PTPN21: variants seen among roughly 807,000 people sequenced by gnomAD.
PTPN21 encodes protein tyrosine phosphatase non-receptor type 21.
In PTPN21, 77 loss-of-function variants were observed where a neutral mutation model predicts 131.8. The observed-to-expected ratio is 0.58, with a 90% CI of 0.49 to 0.71. The LOEUF (loss-of-function observed/expected upper bound fraction) is 0.71, where lower values mean the gene tolerates loss of function less well. PTPN21 is among the 30% of genes least tolerant of loss of function. PTPN21 has a pLI of 0.00. For missense variants in PTPN21, 1,552 were observed against 1,527.1 expected, an observed-to-expected ratio of 1.02 and a Z score of -0.27; for synonymous variants, 715 against 621.3, an observed-to-expected ratio of 1.15 and a Z score of -2.24.
chr14:88,535,202 C>T (rs1206997000), intron 2 of PTPN21, among the ~76,000 whole-genome samples: 1 of 152,108 alleles, frequency 6.6e-6, no homozygotes, highest in Non-Finnish European at 1.5e-5. Context: ...TATAGCCTAC[C>T]AGGACTAGGC....
chr14:88,509,233 A>G (rs1464144801), intron 3 of PTPN21, among the ~76,000 whole-genome samples: 1 of 152,132 alleles, frequency 6.6e-6, no homozygotes, highest in Non-Finnish European at 1.5e-5. Flanking sequence ...GTTAAGCATT[A>G]TTCTAGATGC....
At chr14:88,549,865 C>A (rs748283261) in intron 2 of PTPN21, among the ~76,000 whole-genome samples, 2 of 151,546 alleles carry the variant, frequency 1.3e-5, no homozygotes, top group Admixed American at 1.3e-4. Flanking sequence ...CACATTCAAG[C>A]GATTCTCCTG....
In PTPN21 at chr14:88,550,580, A is replaced by G; in HGVS notation, c.-163T>C. The G allele has an allele frequency of 1.5e-6, 1 of 679,270 alleles. No individual in the cohort carries two copies. The highest frequency in any genetic ancestry group is 2.8e-5 in the East Asian group (1 of 35,968). The allele number at this position is 679,270 out of a possible 1,614,324, so 42.1% of individuals were successfully genotyped here. On this transcript the variant is annotated 5_prime_UTR_variant, in exon 2 of 19. Transcript: ENST00000556564. ...CGCTGCCGCCATTAAAAAGCAACGGAGTCTCCAATGGCCCGAGGAAGGGAG... is the reference window on the plus strand; with the variant it reads ...CGCTGCCGCCATTAAAAAGCAACGGGGTCTCCAATGGCCCGAGGAAGGGAG...
chr14:88,491,637 A>C (rs1334273927), intron 10 of PTPN21, among the ~76,000 whole-genome samples: 1 of 145,136 alleles, frequency 6.9e-6, no homozygotes, highest in Admixed American at 6.8e-5. Context: ...CAAAATTTTA[A>C]AAGCTAATAT....
intron 2 of PTPN21, among the ~76,000 whole-genome samples, chr14:88,543,290 G>T (rs1331677325): frequency 1.3e-5 from 2 of 152,142 alleles, no homozygotes; most frequent in Non-Finnish European, 2.9e-5. Flanking sequence ...TCAAAGTCCA[G>T]TGAGGAAGCT....
intron 13 of PTPN21, among the ~76,000 whole-genome samples, chr14:88,478,474 G>C (rs1053582605): frequency 3.3e-5 from 5 of 152,114 alleles, no homozygotes; most frequent in African/African-American, 1.2e-4. Flanking sequence ...TATTAGGATT[G>C]GGTACACTTT....
At chr14:88,541,076 C>T (rs1176570088) in intron 2 of PTPN21, among the ~76,000 whole-genome samples, 3 of 152,180 alleles carry the variant, frequency 2.0e-5, no homozygotes, top group African/African-American at 7.2e-5. Flanking sequence ...AACAAAACTA[C>T]TCTGCCCCAT....
In PTPN21 at chr14:88,479,942, G is replaced by A. The variant is rs752428074; in HGVS notation, c.1489C>T (p.Arg497Cys). The A allele has an allele frequency of 3.7e-6, 6 of 1,606,864 alleles. No individual in the cohort carries two copies. Among genetic ancestry groups the A allele is most frequent in the South Asian group, 1.1e-5 (1 of 91,054 alleles). The stretch of plus-strand genomic sequence containing the variant: ...GGCGAGGGGAGCTGTGCGTGCTCGC[G>A]GATCTCGGGCTGGCTGTAGACCAGC... ...AALVYSQPEIREHAQLPSPAA... is the reference protein window; with the variant it reads ...AALVYSQPEICEHAQLPSPAA... The change falls in exon 13 of 19, where the codon CGC (arginine) becomes TGC (cysteine). Residue 497 changes from arginine to cysteine, a missense_variant. By Grantham distance (180) the Arg-to-Cys change is radical. Around this residue, in one of 4 missense-constraint regions of PTPN21, gnomAD observed 1,016 missense variants for 883.5 expected, o/e 1.15. Coordinates refer to ENST00000556564, the MANE Select transcript of PTPN21 (RefSeq NM_007039.4).
Position 88,518,396 on chromosome 14 carries a change from A to G in PTPN21, c.181-1135T>C, listed in dbSNP as rs1317481839. Among the ~76,000 whole-genome samples the G allele has an allele frequency of 2.0e-3, 35 of 17,506 alleles. 1 individual carries two copies. The highest frequency in any genetic ancestry group is 7.8e-3 in the Admixed American group (6 of 766). 11.5% of individuals were successfully genotyped at this position (17,506 alleles called of 152,430 possible). A position where few individuals can be genotyped will look rare whatever the true frequency, so the allele number is the denominator to read the frequency against. ...TGTATGTGTGTGTGTGTATATATAT[A>G]TATATATATATATATATATTTTTTT... On this transcript the variant is annotated intron_variant, in intron 2 of 18. Coordinates refer to ENST00000556564, the MANE Select transcript of PTPN21 (RefSeq NM_007039.4).
chr14:88,493,945 G>A (rs1426096560), intron 10 of PTPN21, among the ~76,000 whole-genome samples: 1 of 152,174 alleles, frequency 6.6e-6, no homozygotes, highest in Non-Finnish European at 1.5e-5. Context: ...TGCTTGGCAT[G>A]GGGAATATAG....
At chr14:88,500,546 T>C (rs571773950) in intron 8 of PTPN21, among the ~76,000 whole-genome samples, 1 of 152,336 alleles carries the variant, frequency 6.6e-6, no homozygotes, top group East Asian at 1.9e-4. Context: ...TTTTTAAGCA[T>C]TTTATAATAG....
chr14:88,487,633 A>G (rs1306182735), intron 10 of PTPN21, among the ~76,000 whole-genome samples: 2 of 152,106 alleles, frequency 1.3e-5, no homozygotes, highest in Admixed American at 1.3e-4. Context: ...TTGTTACTGG[A>G]AAGTATTCAG....
At chr14:88,536,266 T>C (rs1279973804) in intron 2 of PTPN21, among the ~76,000 whole-genome samples, 4 of 152,246 alleles carry the variant, frequency 2.6e-5, no homozygotes, top group African/African-American at 9.6e-5. Context: ...CATATCAGGA[T>C]AGTTTTCAAA....
At chr14:88,504,718 G>A (rs528658315) in intron 5 of PTPN21, among the ~76,000 whole-genome samples, 143 of 152,100 alleles carry the variant, frequency 9.4e-4, no homozygotes, top group African/African-American at 3.3e-3. Context: ...TCAATTCCAG[G>A]GAAAGTTTCA....
At chr14:88,510,889 G>A (rs1323830277) in intron 3 of PTPN21, among the ~76,000 whole-genome samples, 9 of 151,832 alleles carry the variant, frequency 5.9e-5, no homozygotes, top group Admixed American at 5.9e-4. Flanking sequence ...ATGAATGGAT[G>A]GATGGATGGA....
intron 13 of PTPN21, among the ~76,000 whole-genome samples, chr14:88,475,744 G>A (rs2567887): frequency 0.94 from 143,353 of 152,276 alleles, 67,908 homozygotes; most frequent in Non-Finnish European, 1. Context: ...GGCTCACAAG[G>A]TTCCTGAACA....
intron 2 of PTPN21, among the ~76,000 whole-genome samples, chr14:88,524,327 A>C (rs1040980284): frequency 6.6e-6 from 1 of 152,212 alleles, no homozygotes; most frequent in Non-Finnish European, 1.5e-5. Context: ...ATGCATCTAC[A>C]GTCAACTGAT....
chr14:88,472,927 C>T (rs1265103847), intron 14 of PTPN21, among the ~76,000 whole-genome samples: 2 of 152,090 alleles, frequency 1.3e-5, no homozygotes, highest in Non-Finnish European at 2.9e-5. Context: ...GTTAAAAGAA[C>T]AAAAGACAAT....
rs763312009 is a variant in PTPN21 at position 88,479,232 on chromosome 14, G to A, written c.2199C>T (p.Arg733=). 16 of 1,605,714 alleles carry A rather than the reference G, an allele frequency of 1.0e-5. No homozygotes were observed. The South Asian group carries it at 1.6e-4, about 16-fold the overall frequency. Residue 733 remains arginine, a synonymous_variant, in exon 13 of 19, where the codon CGC becomes CGT. Transcript: ENST00000556564. ...SGARAPPARA[R]EPRPGLAQDP... The stretch of plus-strand genomic sequence containing the variant: ...CCTGGGCCAGGCCGGGCCGAGGCTC[G>A]CGCGCACGTGCAGGAGGCGCCCGGG...
Sources: allele counts gnomAD v4.1 joint callset (sites outside exome capture counted in the v4.1 genomes callset), GRCh38; gene constraint gnomAD v4.1.1; regional missense constraint gnomAD v4.1.1; transcripts MANE v1.5; gene names NCBI Gene and HGNC (gene_info 2026-07-23, HGNC 2026-07-21).